Variants in DDC observed in about 807,000 individuals in gnomAD.
DDC encodes dopa decarboxylase, also known as aromatic-L-amino-acid decarboxylase.
Under a neutral mutation model 60.0 loss-of-function variants are expected in DDC, and 43 were observed. That is an observed-to-expected ratio of 0.72 (90% CI 0.56 to 0.92). The LOEUF is 0.92. DDC is among the 40% of genes least tolerant of loss of function. The pLI is 0.00. For synonymous variants in DDC, 232 were observed against 234.6 expected (o/e 0.99, Z 0.10); for missense variants, 573 against 620.2 (o/e 0.92, Z 0.81).
intron 9 of DDC, among the ~76,000 whole-genome samples, chr7:50,480,364 T>C (rs2042740229): frequency 6.6e-6 from 1 of 152,246 alleles, no homozygotes; most frequent in African/African-American, 2.4e-5. Flanking sequence ...CCACCCCACT[T>C]GTACTTTGCC....
chr7:50,557,656 C>T (rs1162516229), intron 1 of DDC, among the ~76,000 whole-genome samples: 2 of 152,210 alleles, frequency 1.3e-5, no homozygotes, highest in Admixed American at 1.3e-4. Context: ...ACCATCCATC[C>T]CCACTTTGCC....
chr7:50,515,642 C>T (rs2043706035), intron 6 of DDC, among the ~76,000 whole-genome samples: 1 of 152,132 alleles, frequency 6.6e-6, no homozygotes, highest in Non-Finnish European at 1.5e-5. Flanking sequence ...TACAGATCCA[C>T]AGAATGGATA....
intron 9 of DDC, chr7:50,492,627 G>T: frequency 9.2e-7 from 1 of 1,082,294 alleles, no homozygotes; most frequent in Non-Finnish European, 1.2e-6. Flanking sequence ...CAGACTTCCA[G>T]ACACCGCAGG....
intron 1 of DDC, among the ~76,000 whole-genome samples, chr7:50,560,705 C>A (rs139430304): frequency 6.6e-6 from 1 of 152,280 alleles, no homozygotes; most frequent in East Asian, 1.9e-4. Context: ...GCTGTCATGG[C>A]TCTAGGAATG....
intron 9 of DDC, among the ~76,000 whole-genome samples, chr7:50,494,419 G>A (rs11575428): frequency 0.019 from 2,816 of 152,014 alleles, 63 homozygotes; most frequent in East Asian, 0.081. Context: ...CACGAGAATG[G>A]CATGAACCTG....
chr7:50,555,607 T>C (rs1252368529), intron 1 of DDC, among the ~76,000 whole-genome samples: 2 of 152,156 alleles, frequency 1.3e-5, no homozygotes, highest in Admixed American at 6.5e-5. Context: ...AACCCGGGTG[T>C]TCTTGTTTAA....
At position 50,537,841 on chromosome 7, in the gene DDC, C is replaced by G. The variant is rs575698722; in HGVS notation, c.435+19G>C. The G allele has an allele frequency of 8.7e-6, 14 of 1,614,152 alleles. No homozygotes were observed. In the African/African-American group the frequency reaches 1.2e-4, roughly 14 times the overall value. On this transcript the variant is annotated intron_variant, in intron 4 of 14. Transcript: ENST00000444124. ...GAGCCCATGCATCCCAAAAGTGGCC[C>G]TCACAGCTCCCACCTTACCTGGATC...
chr7:50,459,075 G>C (rs990388567), intron 14 of DDC, among the ~76,000 whole-genome samples: 1 of 152,182 alleles, frequency 6.6e-6, no homozygotes, highest in Non-Finnish European at 1.5e-5. Context: ...TCCTGCCTCA[G>C]CCTGCCGAGT....
intron 1 of DDC, among the ~76,000 whole-genome samples, chr7:50,547,731 C>G (rs1039334004): frequency 3.3e-5 from 5 of 152,200 alleles, no homozygotes; most frequent in African/African-American, 1.2e-4. Context: ...TATTAGCTAT[C>G]ATAATCGCAT....
intron 4 of DDC, among the ~76,000 whole-genome samples, chr7:50,532,781 T>C (rs76405518): frequency 0.03 from 4,633 of 152,328 alleles, 115 homozygotes; most frequent in South Asian, 0.056. Flanking sequence ...AGAGGAATCA[T>C]CTGCTGAAAA....
rs567575148 is a variant in DDC at position 50,503,112 on chromosome 7, G to T, written c.781+881C>A. On this transcript the variant is annotated intron_variant, in intron 7 of 14. Coordinates refer to ENST00000444124, the MANE Select transcript of DDC (RefSeq NM_001082971.2). ...GAGAGGTGAGAACTGTGCTTGGCTT[G>T]TGCAGACTAAGGAGGAAGCCAATTC... Among the ~76,000 whole-genome samples, 118 of 152,364 alleles carry T rather than the reference G, an allele frequency of 7.7e-4. No individual in the cohort carries two copies. In the South Asian group the frequency reaches 9.5e-3, roughly 12 times the overall value.
At chr7:50,466,212 G>A (rs974171799) in intron 13 of DDC, among the ~76,000 whole-genome samples, 3 of 152,150 alleles carry the variant, frequency 2.0e-5, no homozygotes, top group Admixed American at 6.5e-5. Context: ...TACCTCAGCC[G>A]GGCGCAGTGG....
intron 8 of DDC, 91 bp from the exon 9 acceptor site, chr7:50,495,508 T>G: frequency 9.4e-7 from 1 of 1,058,972 alleles, no homozygotes. Flanking sequence ...TAAAAGTTTA[T>G]GGCACAACTA....
chr7:50,510,913 G>A (rs2153541976), intron 6 of DDC, among the ~76,000 whole-genome samples: 1 of 147,462 alleles, frequency 6.8e-6, no homozygotes, highest in East Asian at 2.0e-4. Context: ...CCTGGGAGGT[G>A]GAGTTTGCAG....
chr7:50,494,919 T>A (rs2043094967), intron 9 of DDC, among the ~76,000 whole-genome samples: 1 of 152,116 alleles, frequency 6.6e-6, no homozygotes, highest in Non-Finnish European at 1.5e-5. Context: ...CGCCTCGGCC[T>A]CCCAAAGGGC....
At chr7:50,558,433 T>C (rs1406947968) in intron 1 of DDC, among the ~76,000 whole-genome samples, 1 of 152,188 alleles carries the variant, frequency 6.6e-6, no homozygotes, top group Non-Finnish European at 1.5e-5. Context: ...GCTGCTGGCC[T>C]GGGGCCTGGT....
At chr7:50,509,509 C>T (rs1290431319) in intron 6 of DDC, among the ~76,000 whole-genome samples, 6 of 152,252 alleles carry the variant, frequency 3.9e-5, no homozygotes, top group Non-Finnish European at 5.9e-5. Context: ...ATTTACTCTT[C>T]TTTCCTTCAC....
chr7:50,513,730 A>T (rs945534506), intron 6 of DDC, among the ~76,000 whole-genome samples: 6 of 151,710 alleles, frequency 4.0e-5, no homozygotes, highest in African/African-American at 1.5e-4. Context: ...AACCTGCATG[A>T]CTCAGCAGAG....
chr7:50,565,320 C>A lies in DDC; in HGVS notation c.-64G>T, dbSNP rs1031251348. Reference sequence around the variant, plus strand: ...TTCGAATTCCTTACAGGGCTACTCTCCTTGATGGGATTCTCCAACTTTGGG... The same window carrying A: ...TTCGAATTCCTTACAGGGCTACTCTACTTGATGGGATTCTCCAACTTTGGG... On this transcript the variant is annotated 5_prime_UTR_variant, in exon 1 of 15. Coordinates refer to ENST00000444124, the MANE Select transcript of DDC (RefSeq NM_001082971.2). 1 of 152,264 alleles carries A rather than the reference C, an allele frequency of 6.6e-6. No individual in the cohort carries two copies. The highest frequency in any genetic ancestry group is 2.4e-5 in the African/African-American group (1 of 41,466). 9.4% of individuals were successfully genotyped at this position (152,264 alleles called of 1,614,324 possible).
Sources: allele counts gnomAD v4.1 joint callset (sites outside exome capture counted in the v4.1 genomes callset), GRCh38; gene constraint gnomAD v4.1.1; transcripts MANE v1.5; gene names NCBI Gene and HGNC (gene_info 2026-07-23, HGNC 2026-07-21).